The following RASGRF1 variants were observed in gnomAD, a reference collection of about 807,000 sequenced individuals.
RASGRF1 encodes the protein Ras protein specific guanine nucleotide releasing factor 1.
Under a neutral mutation model 138.7 loss-of-function variants are expected in RASGRF1, and 40 were observed. The ratio of observed to expected loss-of-function variants is 0.29; its 90% CI spans 0.22 to 0.38. RASGRF1 has a LOEUF of 0.38. Ranked by LOEUF, RASGRF1 falls within the 10% of genes least tolerant of loss-of-function variation. RASGRF1 has a pLI of 1.00. For synonymous variants in RASGRF1, 614 were observed against 663.2 expected (o/e 0.93, Z 1.14); for missense variants, 1,108 against 1,650.4 (o/e 0.67, Z 5.69).
intron 13 of RASGRF1, among the ~76,000 whole-genome samples, chr15:79,008,732 CAG>C (rs1277178378): frequency 1.3e-5 from 2 of 152,172 alleles, no homozygotes; most frequent in African/African-American, 4.8e-5. Flanking sequence ...GGAAGCAACA[CAG>C]AGTGGACAGA....
At chr15:79,016,715 C>T (rs1271537873) in intron 12 of RASGRF1, among the ~76,000 whole-genome samples, 3 of 152,208 alleles carry the variant, frequency 2.0e-5, no homozygotes, top group Non-Finnish European at 4.4e-5. Flanking sequence ...TCATCCCACC[C>T]GCCTTACTCC....
rs183064514 is a variant in RASGRF1, at chr15:78,998,752, G to A, written c.2820C>T (p.Asn940=). ...GCTTGGACACCCAGTGGCGGAGCAC[G>A]TTCAAGACACGATTGGTGGCTGCTC... ...IRRAATNRVL[N]VLRHWVSKHS... The change falls in exon 18 of 27, where the codon AAC becomes AAT. Residue 940 remains asparagine (N), a synonymous_variant. Transcript: ENST00000558480. The A allele has an allele frequency of 3.3e-5, 53 of 1,614,112 alleles. 1 individual carries two copies. The Admixed American group carries it at 3.7e-4, about 11-fold the overall frequency.
At chr15:79,026,188 C>T (rs2057048030) in intron 9 of RASGRF1, among the ~76,000 whole-genome samples, 1 of 152,200 alleles carries the variant, frequency 6.6e-6, no homozygotes, top group South Asian at 2.1e-4. Context: ...TCCCAGGATT[C>T]AGGCACTTGA....
At chr15:79,077,566 G>A (rs949167009) in intron 1 of RASGRF1, among the ~76,000 whole-genome samples, 3 of 152,174 alleles carry the variant, frequency 2.0e-5, no homozygotes, top group Admixed American at 1.3e-4. Context: ...AGGGCGTGGT[G>A]GGGAGGGGCT....
In RASGRF1 at chr15:79,073,567, G is replaced by A. The variant is rs150193612; in HGVS notation, c.277-9041C>T. Among the ~76,000 whole-genome samples, 159 of 152,288 alleles carry A rather than the reference G, an allele frequency of 1.0e-3. No homozygotes were observed. The highest frequency in any genetic ancestry group is 3.7e-3 in the African/African-American group (155 of 41,548). On this transcript the variant is annotated intron_variant, in intron 1 of 26. Transcript: ENST00000558480. The surrounding 1 kb of genome is among the most constrained non-coding windows in gnomAD (Gnocchi z 4.2). ...GCAGAGATAGCAGAGCACCGAGGGT[G>A]GCACTGGCAGACACGGGGTGCCGCT...
At position 79,046,742 on chromosome 15, in the gene RASGRF1, T is replaced by C; in HGVS notation, c.878+4A>G. The C allele has an allele frequency of 1.9e-6, 3 of 1,614,142 alleles. No homozygotes were observed. The South Asian group carries it at 3.3e-5, about 18-fold the overall frequency. ...TGCCTTGGCCAACCTTTAGGGGTGCTCACCTGTTCAGGAAGATGCTGCTGA... is the reference window on the plus strand; with the variant it reads ...TGCCTTGGCCAACCTTTAGGGGTGCCCACCTGTTCAGGAAGATGCTGCTGA... On this transcript the variant is annotated splice_donor_region_variant and intron_variant, in intron 5 of 26. Coordinates refer to ENST00000558480, the MANE Select transcript of RASGRF1 (RefSeq NM_001145648.3). This position sits in a 1 kb window ranked among gnomAD's most constrained non-coding sequence, Gnocchi z 5.3.
Position 79,027,183 on chromosome 15 carries a change from C to G in RASGRF1, c.1381+558G>C, listed in dbSNP as rs1040699583. On this transcript the variant is annotated intron_variant, in intron 9 of 26. Transcript: ENST00000558480. The surrounding 1 kb of genome is among the most constrained non-coding windows in gnomAD (Gnocchi z 4.8). ...TGTCAGTCCCCTGAGCCACAGAGAGCCTTCACCCACCCCTCTCAACGGGGC... is the reference window on the plus strand; with the variant it reads ...TGTCAGTCCCCTGAGCCACAGAGAGGCTTCACCCACCCCTCTCAACGGGGC... Among the ~76,000 whole-genome samples the G allele has an allele frequency of 2.0e-5, 3 of 152,170 alleles. No homozygotes were observed. The highest frequency in any genetic ancestry group is 4.4e-5 in the Non-Finnish European group (3 of 68,038).
intron 1 of RASGRF1, 160 bp from the exon 2 acceptor site, chr15:79,064,686 T>A: frequency 1.5e-6 from 1 of 681,954 alleles, no homozygotes; most frequent in Admixed American, 2.5e-5. Flanking sequence ...TTTAGCAGTT[T>A]CCAGTTCTCG....
chr15:79,000,446 TA>T (rs1041094751), intron 16 of RASGRF1, among the ~76,000 whole-genome samples: 3 of 152,240 alleles, frequency 2.0e-5, no homozygotes, highest in Non-Finnish European at 2.9e-5. Context: ...GTAAGTCATT[TA>T]ACCCCTCTGG....
intron 6 of RASGRF1, 129 bp downstream of exon 6, chr15:79,035,002 T>G: frequency 1.5e-6 from 1 of 665,774 alleles, no homozygotes; most frequent in Non-Finnish European, 2.5e-6. Flanking sequence ...CTGCCCCCTC[T>G]GAGGGATTCT....
Position 79,015,366 on chromosome 15 carries a change from A to G in RASGRF1, c.1787T>C (p.Phe596Ser), listed in dbSNP as rs1004956033. The G allele has an allele frequency of 6.2e-7, 1 of 1,614,124 alleles. No individual in the cohort carries two copies. Among genetic ancestry groups the G allele is most frequent in the Non-Finnish European group, 8.5e-7 (1 of 1,179,964 alleles). Residue 596 changes from phenylalanine to serine, a missense_variant, in exon 13 of 27, where the codon TTT becomes TCT. Phe to Ser is a radical substitution (Grantham distance 155). Transcript: ENST00000558480. Reference sequence around the variant, plus strand: ...CACAGTGACCTTGGAATTTTCTTCAAATGCGTTCATCATGAGCCCATTGCA... The same window carrying G: ...CACAGTGACCTTGGAATTTTCTTCAGATGCGTTCATCATGAGCCCATTGCA... ...IRCNGLMMNA[F>S]EENSKVTVPQ...
intron 3 of RASGRF1, among the ~76,000 whole-genome samples, chr15:79,053,126 G>T (rs966308246): frequency 3.3e-5 from 5 of 152,134 alleles, no homozygotes; most frequent in Admixed American, 2.6e-4. Flanking sequence ...TTAGCTGGGT[G>T]TGGTGGCGCA....
At position 78,991,734 on chromosome 15, in the gene RASGRF1, G is replaced by A. The variant is rs2056271975; in HGVS notation, c.3088C>T (p.Leu1030=). 7 of 1,614,074 alleles carry A rather than the reference G, an allele frequency of 4.3e-6. No individual in the cohort carries two copies. The highest frequency in any genetic ancestry group is 1.3e-5 in the African/African-American group (1 of 74,932). The part of the protein sequence containing the change: ...NHSALEIAEQ[L]TLLDHLVFKK... Reference sequence around the variant, plus strand: ...AAGACGAGGTGATCTAGCAGGGTCAGCTGCTCCGCGATCTCCAGGGCTGAG... The same window carrying A: ...AAGACGAGGTGATCTAGCAGGGTCAACTGCTCCGCGATCTCCAGGGCTGAG... The change falls in exon 21 of 27, where the codon CTG becomes TTG. Residue 1030 remains leucine, a synonymous_variant. Coordinates refer to ENST00000558480, the MANE Select transcript of RASGRF1 (RefSeq NM_001145648.3).
intron 16 of RASGRF1, among the ~76,000 whole-genome samples, chr15:79,000,254 A>G (rs541165420): frequency 2.6e-5 from 4 of 152,336 alleles, no homozygotes; most frequent in African/African-American, 9.6e-5. Context: ...GGGCAGCATC[A>G]TGAGTTTTCT....
Position 79,046,743 on chromosome 15 carries a change from C to T in RASGRF1, c.878+3G>A. ...GCCTTGGCCAACCTTTAGGGGTGCT[C>T]ACCTGTTCAGGAAGATGCTGCTGAC... On this transcript the variant is annotated splice_donor_region_variant and intron_variant, in intron 5 of 26. Transcript: ENST00000558480. This position sits in a 1 kb window ranked among gnomAD's most constrained non-coding sequence, Gnocchi z 5.3. 1.2e-6 allele frequency: 2 copies of T among 1,614,178 alleles called. No homozygotes were observed. Among genetic ancestry groups the T allele is most frequent in the Non-Finnish European group, 1.7e-6 (2 of 1,179,998 alleles).
rs1278227426 is a variant in RASGRF1 at position 79,006,713 on chromosome 15, A to G, written c.1827-279T>C. Among the ~76,000 whole-genome samples the G allele has an allele frequency of 6.6e-6, 1 of 152,268 alleles. No individual in the cohort carries two copies. The highest frequency in any genetic ancestry group is 1.5e-5 in the Non-Finnish European group (1 of 68,042). ...TCACAAGACGTAAGGAACTCTGTTT[A>G]CACAAATGTGTATGTGGATGGGGTG... On this transcript the variant is annotated intron_variant, in intron 13 of 26. Transcript: ENST00000558480. This position sits in a 1 kb window ranked among gnomAD's most constrained non-coding sequence, Gnocchi z 4.0.
rs1251093466 is a variant in RASGRF1 at position 79,003,843 on chromosome 15, G to A, written c.2408C>T (p.Thr803Ile). ...TNKIPDEGDT[T>I]PEKPEDPSAL... ...TGAAGGGTCTTCGGGCTTCTCAGGGGTCGTATCGCCCTCATCTGGAATCTT... is the reference window on the plus strand; with the variant it reads ...TGAAGGGTCTTCGGGCTTCTCAGGGATCGTATCGCCCTCATCTGGAATCTT... Residue 803 changes from threonine (T) to isoleucine (I), a missense_variant, in exon 15 of 27, where the codon ACC becomes ATC. Thr to Ile is a moderately conservative substitution (Grantham distance 89). This residue lies in a region of RASGRF1 where 686 missense variants were observed against 976.7 expected (regional missense o/e 0.70). Coordinates refer to ENST00000558480, the MANE Select transcript of RASGRF1 (RefSeq NM_001145648.3). The A allele has an allele frequency of 6.2e-7, 1 of 1,612,582 alleles. No individual in the cohort carries two copies. Among genetic ancestry groups the A allele is most frequent in the African/African-American group, 1.3e-5 (1 of 74,908 alleles).
intron 1 of RASGRF1, among the ~76,000 whole-genome samples, chr15:79,076,180 T>G (rs2057831085): frequency 6.6e-6 from 1 of 152,036 alleles, no homozygotes; most frequent in African/African-American, 2.4e-5. Flanking sequence ...TGATTATCTT[T>G]CCAGCTACAG....
At chr15:79,076,849 C>T (rs1434487252) in intron 1 of RASGRF1, among the ~76,000 whole-genome samples, 1 of 152,246 alleles carries the variant, frequency 6.6e-6, no homozygotes, top group Non-Finnish European at 1.5e-5. Flanking sequence ...TGGAGCCTGG[C>T]ACCGTGCCTT....
Sources: gnomAD v4.1 joint callset for allele counts (sites outside exome capture counted in the v4.1 genomes callset) on GRCh38, gnomAD v4.1.1 for gene constraint, gnomAD v4.1.1 regional missense constraint, Gnocchi (gnomAD v3.1) non-coding constraint, MANE v1.5 for transcripts, NCBI Gene and HGNC (gene_info 2026-07-23, HGNC 2026-07-21) for gene names.